Variants in PTPRD observed in about 807,000 individuals in gnomAD.
The protein encoded by PTPRD is receptor-type tyrosine-protein phosphatase delta.
In PTPRD, 34 loss-of-function variants were observed where a neutral mutation model predicts 214.5. The ratio of observed to expected loss-of-function variants is 0.16; its 90% CI spans 0.12 to 0.21. PTPRD has a LOEUF of 0.21. Ranked by LOEUF, PTPRD falls within the 10% of genes least tolerant of loss-of-function variation. The pLI is 1.00. For missense variants in PTPRD, 2,545 were observed against 2,398.7 expected (o/e 1.06, Z -1.27); for synonymous variants, 1,128 against 845.7 (o/e 1.33, Z -5.79).
chr9:8,877,161 G>A (rs7028363), intron 11 of PTPRD, among the ~76,000 whole-genome samples: 43,701 of 151,828 alleles, frequency 0.29, 6,771 homozygotes, highest in Non-Finnish European at 0.34. Flanking sequence ...TCCTGACCTC[G>A]TGATCCACCA....
chr9:10,449,586 G>T (rs2130764883), intron 2 of PTPRD, among the ~76,000 whole-genome samples: 1 of 151,610 alleles, frequency 6.6e-6, no homozygotes, highest in South Asian at 2.1e-4. Flanking sequence ...TCCCGTCTAA[G>T]TGAGGAGGGT....
intron 5 of PTPRD, among the ~76,000 whole-genome samples, chr9:9,779,671 G>A (rs2154488786): frequency 6.6e-6 from 1 of 152,294 alleles, no homozygotes; most frequent in South Asian, 2.1e-4. Flanking sequence ...TTTTACACTA[G>A]TCAGAATGGC....
intron 8 of PTPRD, among the ~76,000 whole-genome samples, chr9:9,508,630 G>A (rs1164460873): frequency 1.3e-5 from 2 of 151,476 alleles, no homozygotes; most frequent in African/African-American, 2.4e-5. Flanking sequence ...TATCACTTAA[G>A]TTTGCTTCTT....
chr9:9,129,611 C>A (rs2099839529), intron 10 of PTPRD, among the ~76,000 whole-genome samples: 1 of 152,030 alleles, frequency 6.6e-6, no homozygotes, highest in South Asian at 2.1e-4. Context: ...AATATGCTAC[C>A]CCTTAAGTGG....
At chr9:9,372,200 G>A (rs1461152403) in intron 9 of PTPRD, among the ~76,000 whole-genome samples, 22 of 152,054 alleles carry the variant, frequency 1.4e-4, no homozygotes, top group Non-Finnish European at 3.1e-4. Context: ...TCTGTCTAAT[G>A]TTGACAGTGG....
At chr9:8,501,480 C>T (rs771423433) in intron 23 of PTPRD, among the ~76,000 whole-genome samples, 1 of 152,156 alleles carries the variant, frequency 6.6e-6, no homozygotes, top group Admixed American at 6.5e-5. Flanking sequence ...ACAGATGTTT[C>T]CAAGCTTTCA....
intron 11 of PTPRD, among the ~76,000 whole-genome samples, chr9:9,005,012 T>C (rs997253752): frequency 1.3e-5 from 2 of 152,122 alleles, no homozygotes; most frequent in Non-Finnish European, 2.9e-5. Context: ...CATCATTTGC[T>C]GGAACCAGCC....
intron 3 of PTPRD, among the ~76,000 whole-genome samples, chr9:10,046,018 G>A (rs1004281138): frequency 6.6e-6 from 1 of 151,604 alleles, no homozygotes; most frequent in Non-Finnish European, 1.5e-5. Flanking sequence ...AATACTTATT[G>A]TTAAACTAGA....
At chr9:10,516,727 T>C (rs1424359379) in intron 2 of PTPRD, among the ~76,000 whole-genome samples, 1 of 152,020 alleles carries the variant, frequency 6.6e-6, no homozygotes, top group Admixed American at 6.6e-5. Flanking sequence ...AACCCTTTAA[T>C]TCCTTTTCAG....
In PTPRD at chr9:8,505,974, T is replaced by C. The variant is rs530562296; in HGVS notation, c.1677+1327A>G. On this transcript the variant is annotated intron_variant, in intron 22 of 45. Coordinates refer to ENST00000381196, the MANE Select transcript of PTPRD (RefSeq NM_002839.4). ...CAAGTTGTACCATGAAAACTTTAAG[T>C]CATATCTGCATTTCAACTATATAAC... Among the ~76,000 whole-genome samples the C allele has an allele frequency of 2.0e-5, 3 of 152,364 alleles. No individual in the cohort carries two copies. In the South Asian group the frequency reaches 6.2e-4, roughly 32 times the overall value.
chr9:9,102,114 G>C (rs929214632), intron 10 of PTPRD, among the ~76,000 whole-genome samples: 1 of 152,064 alleles, frequency 6.6e-6, no homozygotes, highest in Non-Finnish European at 1.5e-5. Context: ...TATTGGCTTC[G>C]TCTTTTATGT....
At position 8,449,729 on chromosome 9, in the gene PTPRD, T is replaced by G; in HGVS notation, c.3984A>C (p.Thr1328=). 1 of 1,613,770 alleles carries G rather than the reference T, an allele frequency of 6.2e-7. No homozygotes were observed. Among genetic ancestry groups the G allele is most frequent in the Non-Finnish European group, 8.5e-7 (1 of 1,179,702 alleles). ...TAGATGTGTGATGCTTCTTACCCGG[T>G]GTTTGAAAGTTAAGGCGCCTCAGTT... ...PVELRRLNFQ[T]PGMASHPPIP... The change falls in exon 34 of 46, where the codon ACA becomes ACC. Residue 1328 remains threonine, a synonymous_variant. Transcript: ENST00000381196.
chr9:10,262,449 A>G (rs1223436586), intron 3 of PTPRD, among the ~76,000 whole-genome samples: 2 of 152,190 alleles, frequency 1.3e-5, no homozygotes, highest in Non-Finnish European at 2.9e-5. Flanking sequence ...CATTTGTTCA[A>G]AATCACCTAA....
chr9:10,406,624 G>A lies in PTPRD; in HGVS notation c.-599-65607C>T, dbSNP rs150958553. On this transcript the variant is annotated intron_variant, in intron 2 of 45. Coordinates refer to ENST00000381196, the MANE Select transcript of PTPRD (RefSeq NM_002839.4). ...TGAAACACATTGCTGGTGTGTAGAG[G>A]TCTGCCCATATACTGTAACTTTAGC... is the stretch of plus-strand genomic sequence containing the variant. 6.3e-4 allele frequency among the ~76,000 whole-genome samples: 96 copies of A among 151,558 alleles called. 2 individuals are homozygous for A. The highest frequency in any genetic ancestry group is 2.2e-3 in the African/African-American group (91 of 41,444).
intron 9 of PTPRD, among the ~76,000 whole-genome samples, chr9:9,351,909 C>A (rs7047537): frequency 0.62 from 94,794 of 151,782 alleles, 29,758 homozygotes; most frequent in Middle Eastern, 0.71. Context: ...ATGAGGATTA[C>A]ATGATTAGTC....
intron 3 of PTPRD, among the ~76,000 whole-genome samples, chr9:10,243,279 C>T (rs774176569): frequency 1.3e-5 from 2 of 151,914 alleles, no homozygotes; most frequent in African/African-American, 2.4e-5. Flanking sequence ...CTTTTGTAAG[C>T]ATTTGGCCAC....
chr9:9,782,759 C>A lies in PTPRD; in HGVS notation c.-367-15908G>T, dbSNP rs575160220. On this transcript the variant is annotated intron_variant, in intron 5 of 45. Transcript: ENST00000381196. ...AGTCCTCACAGTTATTATAATAAAA[C>A]TCCAGTGTATAACAAGTTATCGAAA... is the stretch of plus-strand genomic sequence containing the variant. Among the ~76,000 whole-genome samples, 3 of 152,240 alleles carry A rather than the reference C, an allele frequency of 2.0e-5. No homozygotes were observed. The South Asian group carries it at 6.2e-4, about 32-fold the overall frequency.
rs150827937 is a variant in PTPRD at position 9,731,620 on chromosome 9, C to A, written c.-287+2913G>T. ...GCTATCCTTCCCCCCTCCCTACACCCCACAATGCAGCCATAAAAAAGGATG... is the reference window on the plus strand; with the variant it reads ...GCTATCCTTCCCCCCTCCCTACACCACACAATGCAGCCATAAAAAAGGATG... On this transcript the variant is annotated intron_variant, in intron 7 of 45. Transcript: ENST00000381196. Among the ~76,000 whole-genome samples, 186 of 152,124 alleles carry A rather than the reference C, an allele frequency of 1.2e-3. 1 individual carries two copies. The highest frequency in any genetic ancestry group is 4.2e-3 in the African/African-American group (173 of 41,492).
At chr9:10,363,632 A>C (rs181268608) in intron 2 of PTPRD, among the ~76,000 whole-genome samples, 3 of 152,234 alleles carry the variant, frequency 2.0e-5, no homozygotes, top group East Asian at 3.8e-4. Context: ...AAAAGGCAAG[A>C]TATCTTACAG....
Sources: gnomAD v4.1 joint callset for allele counts (sites outside exome capture counted in the v4.1 genomes callset) on GRCh38, gnomAD v4.1.1 for gene constraint, MANE v1.5 for transcripts, NCBI Gene and HGNC (gene_info 2026-07-23, HGNC 2026-07-21) for gene names.